DLG3: variants seen among roughly 807,000 people sequenced by gnomAD.
DLG3 encodes the protein disks large homolog 3.
A neutral mutation model predicts 64.1 loss-of-function variants in DLG3; 1 was observed. The observed-to-expected ratio is 0.02, with a 90% confidence interval of 0.01 to 0.07. The LOEUF (loss-of-function observed/expected upper bound fraction) is 0.07. DLG3 is among the 10% of genes least tolerant of loss of function. The pLI, the probability that DLG3 is intolerant of heterozygous loss-of-function variation, is 1.00. For missense variants in DLG3, 429 were observed against 669.5 expected (o/e 0.64, Z 3.96); for synonymous variants, 245 against 259.8 (o/e 0.94, Z 0.55).
chrX:70,490,239 C>G (rs923060116), intron 10 of DLG3, among the ~76,000 whole-genome samples: 16 of 112,103 alleles, frequency 1.4e-4, no homozygotes, highest in African/African-American at 4.9e-4. Context: ...TGTTCTTTTC[C>G]TTACTATATT....
chrX:70,484,220 G>A (rs2087214978), intron 10 of DLG3, among the ~76,000 whole-genome samples: 1 of 112,139 alleles, frequency 8.9e-6, no homozygotes, highest in Admixed American at 9.5e-5. Flanking sequence ...CCATAGGATG[G>A]CATTCAGGTA....
chrX:70,458,102 C>T (rs2086746051), intron 9 of DLG3, among the ~76,000 whole-genome samples: 1 of 110,103 alleles, frequency 9.1e-6, no homozygotes, highest in Non-Finnish European at 1.9e-5. Context: ...TCTTGAACTC[C>T]TGGGCTCAAG....
intron 9 of DLG3, chrX:70,455,170 C>T: frequency 1.3e-6 from 1 of 753,981 alleles, no homozygotes; most frequent in East Asian, 1.5e-4. Context: ...CCCGCGCGCC[C>T]CGCTTTGTGT....
Position 70,454,310 on chromosome X carries a change from C to G in DLG3, c.1399C>G (p.Pro467Ala). The change falls in exon 9 of 19, where the codon CCT becomes GCT. Residue 467 changes from proline to alanine, a missense_variant. Around this residue, in one of 9 missense-constraint regions of DLG3, gnomAD observed 46 missense variants for 52.3 expected, o/e 0.88. Transcript: ENST00000374360. ...QSVTIVAQYRPEEYSRFESKI... is the reference protein window; with the variant it reads ...QSVTIVAQYRAEEYSRFESKI... Reference sequence around the variant, plus strand: ...AGTCACCATTGTGGCCCAGTACAGACCTGAAGGTAGGAGAAGGGAAGGTGG... The same window carrying G: ...AGTCACCATTGTGGCCCAGTACAGAGCTGAAGGTAGGAGAAGGGAAGGTGG... The G allele has an allele frequency of 8.3e-7, 1 of 1,206,994 alleles. No individual in the cohort carries two copies. Among genetic ancestry groups the G allele is most frequent in the Non-Finnish European group, 1.1e-6 (1 of 891,575 alleles).
At chrX:70,484,178 C>T (rs1432250758) in intron 10 of DLG3, among the ~76,000 whole-genome samples, 1 of 111,943 alleles carries the variant, frequency 8.9e-6, no homozygotes, top group Non-Finnish European at 1.9e-5. Context: ...TTTGAAAGTC[C>T]GTTCGGGCTA....
chrX:70,465,476 T>A lies in DLG3; in HGVS notation c.1405+11160T>A, dbSNP rs991527120. Reference sequence around the variant, plus strand: ...GGCTTTGTCCTTGAGCCTGTCCTGTTCAGTCTACTTTCCCATTCTCTTCAA... The same window carrying A: ...GGCTTTGTCCTTGAGCCTGTCCTGTACAGTCTACTTTCCCATTCTCTTCAA... On this transcript the variant is annotated intron_variant, in intron 9 of 18. Coordinates refer to ENST00000374360, the MANE Select transcript of DLG3 (RefSeq NM_021120.4). 2.7e-5 allele frequency among the ~76,000 whole-genome samples: 3 copies of A among 112,215 alleles called. No homozygotes were observed. The South Asian group carries it at 1.1e-3, about 42-fold the overall frequency.
intron 10 of DLG3, among the ~76,000 whole-genome samples, chrX:70,484,015 GAC>G (rs778321123): frequency 2.4e-4 from 27 of 112,235 alleles, no homozygotes; most frequent in Non-Finnish European, 5.1e-4. Context: ...GCAGTACAAA[GAC>G]ACTGAGTAAG....
In DLG3 at chrX:70,504,140, T is replaced by C. The variant is rs2087614610; in HGVS notation, c.*1871T>C. ...GCTTTCCCTGGGCAGTACAATGGCT[T>C]GAAGGCAAAAAGGGATAAAGTGACA... On this transcript the variant is annotated 3_prime_UTR_variant, in exon 19 of 19. Transcript: ENST00000374360. The C allele has an allele frequency of 9.0e-6, 1 of 111,566 alleles. No individual in the cohort carries two copies. Among genetic ancestry groups the C allele is most frequent in the Non-Finnish European group, 1.9e-5 (1 of 53,062 alleles). The allele number at this position is 111,566 out of a possible 1,213,427, so 9.2% of individuals were successfully genotyped here. A position where few individuals can be genotyped will look rare whatever the true frequency, so the allele number is the denominator to read the frequency against.
chrX:70,492,045 A>C, intron 10 of DLG3, 62 bp from the exon 11 acceptor site: 1 of 1,133,406 alleles, frequency 8.8e-7, no homozygotes, highest in Non-Finnish European at 1.2e-6. Context: ...CATCTTTTCA[A>C]GGTGCCAGTG....
intron 9 of DLG3, chrX:70,455,125 C>T: frequency 2.7e-6 from 2 of 734,972 alleles, no homozygotes; most frequent in Non-Finnish European, 3.2e-6. Flanking sequence ...GTCTCCTCCT[C>T]CTCCCTCCTT....
chrX:70,463,705 A>G (rs1056795431), intron 9 of DLG3, among the ~76,000 whole-genome samples: 1 of 111,817 alleles, frequency 8.9e-6, no homozygotes, highest in African/African-American at 3.2e-5. Context: ...TCTGACTTAG[A>G]GTAGCTGAAT....
chrX:70,448,745 G>A (rs2086590215), intron 1 of DLG3, 168 bp from the exon 2 acceptor site: 3 of 960,604 alleles, frequency 3.1e-6, no homozygotes, highest in Non-Finnish European at 4.4e-6. Context: ...GGGTGAGTGA[G>A]GAGCGGCCTC....
At chrX:70,449,230 C>A in intron 2 of DLG3, 129 bp from the exon 3 acceptor site, 1 of 989,524 alleles carries the variant, frequency 1.0e-6, no homozygotes. Flanking sequence ...GACAAATGTG[C>A]CCAGCCTGCC....
intron 16 of DLG3, 65 bp downstream of exon 16, chrX:70,500,114 C>T: frequency 9.7e-7 from 1 of 1,033,017 alleles, no homozygotes. Flanking sequence ...CACTTGGATC[C>T]TTATCCTTCC....
chrX:70,452,915 T>G, intron 7 of DLG3: 1 of 488,062 alleles, frequency 2.0e-6, no homozygotes, highest in Non-Finnish European at 3.2e-6. Context: ...GAACGTGCCC[T>G]GGGAGTTGGG....
At chrX:70,454,646 C>T (rs917110888) in intron 9 of DLG3, among the ~76,000 whole-genome samples, 1 of 112,035 alleles carries the variant, frequency 8.9e-6, no homozygotes, top group African/African-American at 3.2e-5. Flanking sequence ...AGACTGGGAA[C>T]TGTGTGCCCT....
chrX:70,479,730 C>G (rs2087119780), intron 10 of DLG3, among the ~76,000 whole-genome samples: 1 of 110,911 alleles, frequency 9.0e-6, no homozygotes. Context: ...TTGCTGCATT[C>G]TGGATGTTTT....
chrX:70,499,790 C>T lies in DLG3; in HGVS notation c.1973-87C>T. On this transcript the variant is annotated intron_variant, in intron 15 of 18. Coordinates refer to ENST00000374360, the MANE Select transcript of DLG3 (RefSeq NM_021120.4). ...AAAAATGGAGTGGCCCAGTGACCCACCCAGATGAGAATGGACCAGTCAGTA... is the reference window on the plus strand; with the variant it reads ...AAAAATGGAGTGGCCCAGTGACCCATCCAGATGAGAATGGACCAGTCAGTA... 7 of 1,020,634 alleles carry T rather than the reference C, an allele frequency of 6.9e-6. No homozygotes were observed. In the South Asian group the frequency reaches 8.1e-5, roughly 12 times the overall value. 84.1% of individuals were successfully genotyped at this position (1,020,634 alleles called of 1,213,427 possible).
At chrX:70,446,642 C>T (rs375649380) in intron 1 of DLG3, among the ~76,000 whole-genome samples, 7 of 112,715 alleles carry the variant, frequency 6.2e-5, no homozygotes, top group Non-Finnish European at 9.4e-5. Context: ...GGCACAACTC[C>T]GGCTTCCACT....
Sources: allele counts gnomAD v4.1 joint callset (sites outside exome capture counted in the v4.1 genomes callset), GRCh38; gene constraint gnomAD v4.1.1; regional missense constraint gnomAD v4.1.1; transcripts MANE v1.5; gene names NCBI Gene and HGNC (gene_info 2026-07-23, HGNC 2026-07-21).